Variants in ADAM22 observed in about 807,000 individuals in gnomAD.
ADAM22 encodes disintegrin and metalloproteinase domain-containing protein 22.
A neutral mutation model predicts 144.6 loss-of-function variants in ADAM22; 65 were observed. The ratio of observed to expected loss-of-function variants is 0.45; its 90% CI spans 0.37 to 0.55. The LOEUF is 0.55. ADAM22 is among the 20% of genes least tolerant of loss of function. The pLI is 0.00. For missense variants in ADAM22, 974 were observed against 1,184.9 expected, an observed-to-expected ratio of 0.82 and a Z score of 2.61; for synonymous variants, 391 against 412.6, an observed-to-expected ratio of 0.95 and a Z score of 0.63.
rs1216549328 is a variant in ADAM22, at chr7:87,935,111, C to T, written c.171C>T (p.Tyr57=). ...RQSIVPLRLI[Y]RSGGEDESRH... ...GCATCGTGCCACTGCGCCTCATCTA[C>T]CGCTCGGGCGGCGAAGACGAAAGTC... The change falls in exon 2 of 32, where the codon TAC becomes TAT. Residue 57 remains tyrosine (Y), a synonymous_variant. Coordinates refer to ENST00000413139, the MANE Select transcript of ADAM22 (RefSeq NM_001324418.2). The T allele has an allele frequency of 6.2e-7, 1 of 1,613,930 alleles. No individual in the cohort carries two copies. The highest frequency in any genetic ancestry group is 1.1e-5 in the South Asian group (1 of 91,072).
chr7:88,122,337 G>T (rs1029837112), intron 7 of ADAM22, among the ~76,000 whole-genome samples: 1 of 152,148 alleles, frequency 6.6e-6, no homozygotes, highest in South Asian at 2.1e-4. Flanking sequence ...AGAAATGACA[G>T]TTCATCACCT....
Position 88,132,980 on chromosome 7 carries a change from G to T in ADAM22, c.1077+29G>T, listed in dbSNP as rs368892051. On this transcript the variant is annotated intron_variant, in intron 12 of 31. Transcript: ENST00000413139. ...GGTGTGAACATCTGTACAATACAAAGTGGTATGATGGCTGAAAATGTTTTC... is the reference window on the plus strand; with the variant it reads ...GGTGTGAACATCTGTACAATACAAATTGGTATGATGGCTGAAAATGTTTTC... The T allele has an allele frequency of 1.9e-6, 3 of 1,589,318 alleles. No individual in the cohort carries two copies. In the African/African-American group the frequency reaches 4.0e-5, roughly 21 times the overall value.
Position 88,202,844 on chromosome 7 carries a change from T to TAAC in ADAM22, c.*6355_*6357dup, listed in dbSNP as rs936944826. 1 of 152,240 alleles carries TAAC rather than the reference T, an allele frequency of 6.6e-6. No homozygotes were observed. Among genetic ancestry groups the TAAC allele is most frequent in the Non-Finnish European group, 1.5e-5 (1 of 68,038 alleles). 9.4% of individuals were successfully genotyped at this position (152,240 alleles called of 1,614,324 possible). A position where few individuals can be genotyped will look rare whatever the true frequency, so the allele number is the denominator to read the frequency against. On this transcript the variant is annotated 3_prime_UTR_variant, in exon 32 of 32. Coordinates refer to ENST00000413139, the MANE Select transcript of ADAM22 (RefSeq NM_001324418.2). Reference sequence around the variant, plus strand: ...ATGGTTTTCTATGTTACTCCCATTGTAACATTAGTAAAGTGACTTTCAATA... The same window carrying TAAC: ...ATGGTTTTCTATGTTACTCCCATTGTAACAACATTAGTAAAGTGACTTTCAATA...
At chr7:87,981,842 C>T (rs1436512668) in intron 3 of ADAM22, among the ~76,000 whole-genome samples, 5 of 147,616 alleles carry the variant, frequency 3.4e-5, no homozygotes, top group African/African-American at 1.0e-4. Flanking sequence ...ATGAGGATAA[C>T]ATTATAATTA....
At chr7:88,015,938 T>C (rs1245653425) in intron 3 of ADAM22, among the ~76,000 whole-genome samples, 3 of 120,512 alleles carry the variant, frequency 2.5e-5, no homozygotes, top group Non-Finnish European at 5.7e-5. Context: ...TTCAAATCCT[T>C]CTTTTTTTTT....
At chr7:88,151,577 A>G (rs1182783582) in intron 20 of ADAM22, among the ~76,000 whole-genome samples, 1 of 152,220 alleles carries the variant, frequency 6.6e-6, no homozygotes, top group African/African-American at 2.4e-5. Context: ...GATGGAGCCC[A>G]TGCCAGGGTG....
chr7:87,953,999 A>G (rs1845966275), intron 2 of ADAM22, among the ~76,000 whole-genome samples: 2 of 151,830 alleles, frequency 1.3e-5, no homozygotes, highest in African/African-American at 2.4e-5. Flanking sequence ...TGCTTGGTAG[A>G]TCTTCCTCCA....
chr7:88,027,411 C>T lies in ADAM22; in HGVS notation c.324-48215C>T, dbSNP rs530425386. 1.5e-3 allele frequency among the ~76,000 whole-genome samples: 221 copies of T among 152,252 alleles called. 1 individual carries two copies. The highest frequency in any genetic ancestry group is 5.1e-3 in the African/African-American group (210 of 41,552). On this transcript the variant is annotated intron_variant, in intron 3 of 31. Transcript: ENST00000413139. ...TTTAATTACAGTTTTGATCTCTTTA[C>T]TTGTTATTACTCTGTTCAGGTTTTG...
intron 23 of ADAM22, among the ~76,000 whole-genome samples, chr7:88,163,423 T>A (rs1374168492): frequency 6.6e-6 from 1 of 152,120 alleles, no homozygotes; most frequent in Non-Finnish European, 1.5e-5. Flanking sequence ...TCTGTGTTAC[T>A]ATGATCTCAT....
chr7:88,143,219 C>G (rs1222629277), intron 15 of ADAM22, 94 bp downstream of exon 15: 1 of 851,816 alleles, frequency 1.2e-6, no homozygotes, highest in East Asian at 2.6e-5. Context: ...TCTTAGAGAG[C>G]TTTTCAACTT....
intron 4 of ADAM22, among the ~76,000 whole-genome samples, chr7:88,097,151 CTTTTTTTTTT>C (rs1169759079): frequency 7.7e-6 from 1 of 129,220 alleles, no homozygotes; most frequent in Non-Finnish European, 1.7e-5. Context: ...TTTTTCTTTT[CTTTTTTTTTT>C]TTTTTTTTGA....
intron 3 of ADAM22, among the ~76,000 whole-genome samples, chr7:87,998,501 C>T (rs1791775579): frequency 6.6e-6 from 1 of 152,158 alleles, no homozygotes; most frequent in Non-Finnish European, 1.5e-5. Context: ...GGTGATTCTC[C>T]TGCCTCAGCC....
rs972088484 is a variant in ADAM22, at chr7:88,142,605, G to A, written c.1221-421G>A. On this transcript the variant is annotated intron_variant, in intron 14 of 31. Coordinates refer to ENST00000413139, the MANE Select transcript of ADAM22 (RefSeq NM_001324418.2). ...TGTAATCCCAGCACTTTGGGAGGCCGAGGCGGGCGGATCACAAAGTCAGGA... is the reference window on the plus strand; with the variant it reads ...TGTAATCCCAGCACTTTGGGAGGCCAAGGCGGGCGGATCACAAAGTCAGGA... Among the ~76,000 whole-genome samples the A allele has an allele frequency of 5.3e-5, 8 of 152,232 alleles. No homozygotes were observed. The South Asian group carries it at 1.0e-3, about 20-fold the overall frequency.
chr7:88,055,778 C>T lies in ADAM22; in HGVS notation c.324-19848C>T, dbSNP rs546260657. Among the ~76,000 whole-genome samples the T allele has an allele frequency of 1.6e-3, 239 of 152,250 alleles. 1 individual carries two copies. Among genetic ancestry groups the T allele is most frequent in the African/African-American group, 5.2e-3 (214 of 41,546 alleles). ...AGGCTCCCTAACACACCTTTCATAACGCTTTTCGTTTATTTATTTATGTGC... is the reference window on the plus strand; with the variant it reads ...AGGCTCCCTAACACACCTTTCATAATGCTTTTCGTTTATTTATTTATGTGC... On this transcript the variant is annotated intron_variant, in intron 3 of 31. Transcript: ENST00000413139.
At position 88,155,979 on chromosome 7, in the gene ADAM22, T is replaced by C. The variant is rs1256179208; in HGVS notation, c.1880T>C (p.Val627Ala). ...LDGEITSTLV[V>A]QQGRTLNCSG... ...GGTGAAATCACATCTACTTTAGTTG[T>C]GCAGCAAGGAAGAACATTAAACTGC... The change falls in exon 22 of 32, where the codon GTG becomes GCG. Residue 627 changes from valine to alanine, a missense_variant. Val to Ala is a moderately conservative substitution (Grantham distance 64). Around this residue, in one of 2 missense-constraint regions of ADAM22, gnomAD observed 734 missense variants for 950.6 expected, o/e 0.77. Coordinates refer to ENST00000413139, the MANE Select transcript of ADAM22 (RefSeq NM_001324418.2). The C allele has an allele frequency of 1.2e-6, 2 of 1,613,302 alleles. No homozygotes were observed. The highest frequency in any genetic ancestry group is 8.5e-7 in the Non-Finnish European group (1 of 1,179,510).
intron 3 of ADAM22, among the ~76,000 whole-genome samples, chr7:88,009,725 C>A (rs1794930852): frequency 3.9e-5 from 6 of 152,052 alleles, no homozygotes; most frequent in Admixed American, 3.9e-4. Flanking sequence ...AAAAATTTTC[C>A]ATAGACTAGC....
chr7:88,027,885 G>C (rs1036398965), intron 3 of ADAM22, among the ~76,000 whole-genome samples: 3 of 151,758 alleles, frequency 2.0e-5, no homozygotes, highest in African/African-American at 7.3e-5. Flanking sequence ...CTACCTCCCA[G>C]GTTCAAGTGA....
At chr7:88,039,623 GTGTGTC>G (rs370483927) in intron 3 of ADAM22, among the ~76,000 whole-genome samples, 5 of 149,810 alleles carry the variant, frequency 3.3e-5, no homozygotes, top group Non-Finnish European at 6.0e-5. Flanking sequence ...GTGTGTGTGT[GTGTGTC>G]TGTGTGTCTG....
At chr7:88,153,575 C>T (rs1021057834) in intron 21 of ADAM22, among the ~76,000 whole-genome samples, 5 of 152,138 alleles carry the variant, frequency 3.3e-5, no homozygotes, top group Non-Finnish European at 5.9e-5. Flanking sequence ...CTAGAAGACA[C>T]CTTTTAGCAT....
Sources: gnomAD v4.1 joint callset for allele counts (sites outside exome capture counted in the v4.1 genomes callset) on GRCh38, gnomAD v4.1.1 for gene constraint, gnomAD v4.1.1 regional missense constraint, MANE v1.5 for transcripts, NCBI Gene and HGNC (gene_info 2026-07-23, HGNC 2026-07-21) for gene names.